The following LEMD1 variants were observed in gnomAD, a reference collection of about 807,000 sequenced individuals.
LEMD1 encodes the protein LEM domain-containing protein 1.
In LEMD1, 18 loss-of-function variants were observed where a neutral mutation model predicts 17.4. That is an observed-to-expected ratio of 1.04 (90% confidence interval 0.72 to 1.54). The LOEUF (loss-of-function observed/expected upper bound fraction) is 1.54, where lower values mean the gene tolerates loss of function less well. Among genes scored for constraint, LEMD1 ranks in the 40% most tolerant of loss-of-function variants. LEMD1 has a pLI of 0.00. For synonymous variants in LEMD1, 88 were observed against 77.8 expected (o/e 1.13, Z -0.69); for missense variants, 195 against 210.4 (o/e 0.93, Z 0.45).
At chr1:205,431,367 A>T (rs1267756982) in intron 1 of LEMD1, among the ~76,000 whole-genome samples, 2 of 152,200 alleles carry the variant, frequency 1.3e-5, no homozygotes, top group East Asian at 3.9e-4. Context: ...GTTAACTCAT[A>T]TTGAACACCT....
At chr1:205,383,834 C>T (rs533832005) in intron 5 of LEMD1, among the ~76,000 whole-genome samples, 2 of 151,838 alleles carry the variant, frequency 1.3e-5, no homozygotes, top group South Asian at 2.1e-4. Flanking sequence ...TGGGGTTTCA[C>T]CATGTTGGCC....
intron 1 of LEMD1, among the ~76,000 whole-genome samples, chr1:205,431,905 C>T (rs112692710): frequency 5.3e-5 from 8 of 152,056 alleles, no homozygotes; most frequent in Non-Finnish European, 8.8e-5. Flanking sequence ...TTAATAGAGA[C>T]GGGGTTTCAC....
chr1:205,410,671 C>T (rs1273023102), intron 4 of LEMD1, among the ~76,000 whole-genome samples: 3 of 151,934 alleles, frequency 2.0e-5, no homozygotes, highest in Non-Finnish European at 4.4e-5. Flanking sequence ...TTACAGCCTG[C>T]GGCAAAAACT....
intron 4 of LEMD1, among the ~76,000 whole-genome samples, chr1:205,388,316 G>T (rs1664143689): frequency 6.6e-6 from 1 of 151,868 alleles, no homozygotes; most frequent in Non-Finnish European, 1.5e-5. Context: ...TCCTGCCTCA[G>T]CCTCCTGAGT....
chr1:205,410,752 G>T (rs952151699), intron 4 of LEMD1, among the ~76,000 whole-genome samples: 2 of 152,098 alleles, frequency 1.3e-5, no homozygotes, highest in Non-Finnish European at 2.9e-5. Context: ...TGTAGTCCCA[G>T]CTACTTGGGA....
chr1:205,387,499 TTATAA>T (rs948847363), intron 4 of LEMD1: 15 of 152,230 alleles, frequency 9.9e-5, no homozygotes, highest in African/African-American at 2.9e-4. Context: ...ATTAATGCTG[TTATAA>T]TATGATTTTC....
At chr1:205,398,081 T>C (rs1032016969) in intron 4 of LEMD1, among the ~76,000 whole-genome samples, 1 of 152,242 alleles carries the variant, frequency 6.6e-6, no homozygotes, top group African/African-American at 2.4e-5. Context: ...GGTCAATATT[T>C]TTACAGGAAG....
In LEMD1 at chr1:205,448,175, C is replaced by T. The variant is rs79887708; in HGVS notation, c.-39+1693G>A. 0.031 allele frequency: 12,593 copies of T among 400,448 alleles called. 309 individuals carry two copies. Among genetic ancestry groups the T allele is most frequent in the South Asian group, 0.058 (2,933 of 50,588 alleles). 24.8% of individuals were successfully genotyped at this position (400,448 alleles called of 1,614,324 possible). A position where few individuals can be genotyped will look rare whatever the true frequency, so the allele number is the denominator to read the frequency against. ...GGGAAGTGACTGGGCCAAGGTCACA[C>T]GGCTTAGCCCCGATCCCAGGTTACC... On this transcript the variant is annotated intron_variant, in intron 1 of 3. Transcript: ENST00000367154. The surrounding 1 kb of genome is among the most constrained non-coding windows in gnomAD (Gnocchi z 4.7).
rs1217087690 is a variant in LEMD1 at position 205,421,111 on chromosome 1, C to T, written c.-38-537G>A. Among the ~76,000 whole-genome samples, 5 of 152,070 alleles carry T rather than the reference C, an allele frequency of 3.3e-5. No individual in the cohort carries two copies. In the East Asian group the frequency reaches 7.7e-4, roughly 23 times the overall value. ...TAACAAGATGGTAGTTTTTAATTAA[C>T]CACCAACAGACTTAGTAATTGCTGA... On this transcript the variant is annotated intron_variant, in intron 1 of 5. Transcript: ENST00000367153.
intron 4 of LEMD1, among the ~76,000 whole-genome samples, chr1:205,399,178 G>A (rs1664724213): frequency 6.6e-6 from 1 of 150,894 alleles, no homozygotes. Context: ...TCACACCACT[G>A]CACTCCAGCC....
chr1:205,386,813 A>G (rs1273670013), intron 4 of LEMD1: 1 of 152,210 alleles, frequency 6.6e-6, no homozygotes, highest in Non-Finnish European at 1.5e-5. Flanking sequence ...ATTTCCCACA[A>G]AGGTGCTATG....
At chr1:205,434,196 T>TTC (rs1553399140) in intron 1 of LEMD1, among the ~76,000 whole-genome samples, 2 of 151,362 alleles carry the variant, frequency 1.3e-5, no homozygotes, top group Non-Finnish European at 2.9e-5. Context: ...TTCTTTTTTT[T>TTC]TCTCTCTCTT....
Position 205,441,209 on chromosome 1 carries a change from G to T in LEMD1, c.-39+8659C>A, listed in dbSNP as rs1426644339. Reference sequence around the variant, plus strand: ...GCCCGCTAGGTCTCTCACACCGGCTGGGGGAGGAGTCAAGCCTCTAAACAA... The same window carrying T: ...GCCCGCTAGGTCTCTCACACCGGCTTGGGGAGGAGTCAAGCCTCTAAACAA... On this transcript the variant is annotated intron_variant, in intron 1 of 3. Transcript: ENST00000367154. This position sits in a 1 kb window ranked among gnomAD's most constrained non-coding sequence, Gnocchi z 4.3. 6.6e-6 allele frequency: 1 copy of T among 152,310 alleles called. No homozygotes were observed. The highest frequency in any genetic ancestry group is 1.5e-5 in the Non-Finnish European group (1 of 68,156). The allele number at this position is 152,310 out of a possible 1,614,324, so 9.4% of individuals were successfully genotyped here.
chr1:205,442,460 TG>T (rs1666310869), intron 1 of LEMD1, among the ~76,000 whole-genome samples: 1 of 152,164 alleles, frequency 6.6e-6, no homozygotes, highest in Non-Finnish European at 1.5e-5. Flanking sequence ...CTTGCCCTTT[TG>T]GAAAAACTTC....
intron 4 of LEMD1, among the ~76,000 whole-genome samples, chr1:205,389,256 C>A (rs1403053224): frequency 6.6e-6 from 1 of 151,844 alleles, no homozygotes; most frequent in Non-Finnish European, 1.5e-5. Flanking sequence ...ACTATGTTGG[C>A]CAGGCTGGTC....
At chr1:205,406,594 C>T (rs1324978378) in intron 4 of LEMD1, among the ~76,000 whole-genome samples, 2 of 152,188 alleles carry the variant, frequency 1.3e-5, no homozygotes, top group East Asian at 3.9e-4. Context: ...GCCCGATTTT[C>T]CAGGTGCCAT....
chr1:205,407,934 G>T (rs974485106), intron 4 of LEMD1, among the ~76,000 whole-genome samples: 1 of 152,174 alleles, frequency 6.6e-6, no homozygotes, highest in Non-Finnish European at 1.5e-5. Flanking sequence ...GGCATCACAA[G>T]TGTTTTGTGG....
intron 4 of LEMD1, 74 bp from the exon 5 acceptor site, chr1:205,384,438 T>C: frequency 2.0e-6 from 2 of 995,366 alleles, no homozygotes; most frequent in Non-Finnish European, 2.8e-6. Context: ...GTTTTTATTC[T>C]AGAAAAAGTC....
At chr1:205,438,919 G>A (rs1193419631) in intron 1 of LEMD1, among the ~76,000 whole-genome samples, 2 of 151,980 alleles carry the variant, frequency 1.3e-5, no homozygotes, top group African/African-American at 4.8e-5. Context: ...AGCTCTCCTC[G>A]GCCACCCGCT....
Sources: gnomAD v4.1 joint callset for allele counts (sites outside exome capture counted in the v4.1 genomes callset) on GRCh38, gnomAD v4.1.1 for gene constraint, Gnocchi (gnomAD v3.1) non-coding constraint, MANE v1.5 for transcripts, NCBI Gene and HGNC (gene_info 2026-07-23, HGNC 2026-07-21) for gene names.